KNL1: variants seen among roughly 807,000 people sequenced by gnomAD.
KNL1 encodes outer kinetochore KNL1 complex subunit KNL1.
KNL1 carries 66 observed loss-of-function variants against 201.3 expected under a neutral mutation model. That is an observed-to-expected ratio of 0.33 (90% CI 0.27 to 0.40). KNL1 has a LOEUF of 0.40. Ranked by LOEUF, KNL1 falls within the 10% of genes least tolerant of loss-of-function variation. The pLI is 1.00. For missense variants in KNL1, 2,815 were observed against 2,690.5 expected (o/e 1.05, Z -1.02); for synonymous variants, 895 against 899.2 (o/e 1.00, Z 0.08).
chr15:40,603,057 C>A, intron 2 of KNL1, 91 bp downstream of exon 2: 1 of 801,060 alleles, frequency 1.2e-6, no homozygotes, highest in South Asian at 1.7e-5. Flanking sequence ...CTTCTGAGAT[C>A]TTTTTCCATT....
chr15:40,655,471 A>G (rs967363596), intron 22 of KNL1, among the ~76,000 whole-genome samples: 3 of 150,324 alleles, frequency 2.0e-5, no homozygotes, highest in East Asian at 2.0e-4. Flanking sequence ...GGTGCCTGTA[A>G]TCCCAGCTAC....
Position 40,646,969 on chromosome 15 carries a change from A to G in KNL1, c.6007-18A>G, listed in dbSNP as rs369404109. On this transcript the variant is annotated intron_variant, in intron 16 of 25. Transcript: ENST00000399668. ...CTTTAGAGGTTTAACTTGACAGTCT[A>G]TAATCTTTTGTATTTAGAATGAGAG... The G allele has an allele frequency of 3.2e-5, 35 of 1,080,512 alleles. No individual in the cohort carries two copies. Among genetic ancestry groups the G allele is most frequent in the Admixed American group, 1.2e-4 (7 of 57,846 alleles). 66.9% of individuals were successfully genotyped at this position (1,080,512 alleles called of 1,614,324 possible).
At chr15:40,596,646 G>C (rs1891628497) in intron 1 of KNL1, among the ~76,000 whole-genome samples, 1 of 151,926 alleles carries the variant, frequency 6.6e-6, no homozygotes, top group Non-Finnish European at 1.5e-5. Flanking sequence ...CACAACTTCT[G>C]AAACTTTGGA....
At chr15:40,651,804 GAT>G (rs1426397033) in intron 20 of KNL1, among the ~76,000 whole-genome samples, 199 bp from the exon 21 acceptor site, 1 of 152,090 alleles carries the variant, frequency 6.6e-6, no homozygotes, top group African/African-American at 2.4e-5. Flanking sequence ...GTGTTTCTCT[GAT>G]ATACAACTCA....
At position 40,623,036 on chromosome 15, in the gene KNL1, A is replaced by G. The variant is rs1892599439; in HGVS notation, c.2772A>G (p.Leu924=). The G allele has an allele frequency of 2.5e-6, 4 of 1,614,028 alleles. No homozygotes were observed. The South Asian group carries it at 4.4e-5, about 18-fold the overall frequency. ...MEITRSHTTA[L]ECKTVSPDEI... is the part of the protein sequence containing the mutation. ...TCACTAGAAGTCACACAACTGCCTT[A>G]GAATGTAAAACTGTCTCACCAGATG... Residue 924 remains leucine (L), a synonymous_variant, in exon 10 of 26, where the codon TTA becomes TTG. Transcript: ENST00000399668.
chr15:40,658,691 G>A (rs988766571), intron 24 of KNL1, among the ~76,000 whole-genome samples: 6 of 151,388 alleles, frequency 4.0e-5, no homozygotes, highest in Non-Finnish European at 7.4e-5. Flanking sequence ...AACACTTTGG[G>A]AAGTGAGGCA....
chr15:40,662,191 C>T lies in KNL1; in HGVS notation c.*3C>T, dbSNP rs1200270961. On this transcript the variant is annotated 3_prime_UTR_variant, in exon 26 of 26. Coordinates refer to ENST00000399668, the MANE Select transcript of KNL1 (RefSeq NM_144508.5). ...AGGACTGCCATTTCTACCACTAGAC[C>T]CTTGGACCACCATTGGAACAACCAA... 3 of 1,475,266 alleles carry T rather than the reference C, an allele frequency of 2.0e-6. No individual in the cohort carries two copies. The highest frequency in any genetic ancestry group is 2.8e-5 in the African/African-American group (2 of 71,752). The allele number at this position is 1,475,266 out of a possible 1,614,324, so 91.4% of individuals were successfully genotyped here.
chr15:40,607,297 T>G (rs77210338), intron 4 of KNL1, among the ~76,000 whole-genome samples: 1 of 152,252 alleles, frequency 6.6e-6, no homozygotes, highest in Non-Finnish European at 1.5e-5. Context: ...ATCACACTTA[T>G]GAACTACGAA....
intron 1 of KNL1, among the ~76,000 whole-genome samples, chr15:40,595,732 C>T (rs1891601833): frequency 6.6e-6 from 1 of 152,104 alleles, no homozygotes; most frequent in Non-Finnish European, 1.5e-5. Context: ...CTATGGAGCA[C>T]TTGAAATGTC....
intron 13 of KNL1, among the ~76,000 whole-genome samples, chr15:40,639,585 CAA>C (rs139167651): frequency 5.1e-4 from 66 of 128,172 alleles, no homozygotes; most frequent in Non-Finnish European, 5.2e-4. Context: ...AACTTCATCT[CAA>C]AAAAAAAAAA....
At chr15:40,620,173 T>A (rs1162497172) in intron 9 of KNL1, among the ~76,000 whole-genome samples, 1 of 152,116 alleles carries the variant, frequency 6.6e-6, no homozygotes, top group African/African-American at 2.4e-5. Context: ...CCTTCCAAAG[T>A]GCTTGGATTA....
intron 13 of KNL1, among the ~76,000 whole-genome samples, chr15:40,630,252 T>C (rs1892874888): frequency 6.6e-6 from 1 of 152,234 alleles, no homozygotes; most frequent in South Asian, 2.1e-4. Context: ...TACATAGGAA[T>C]GTTTTTTGTC....
At chr15:40,620,546 C>A in intron 9 of KNL1, 94 bp from the exon 10 acceptor site, 1 of 688,552 alleles carries the variant, frequency 1.5e-6, no homozygotes. Flanking sequence ...GTTATGAAAC[C>A]ATCACTGAGG....
intron 20 of KNL1, 31 bp from the exon 21 acceptor site, chr15:40,651,974 C>T: frequency 6.5e-7 from 1 of 1,529,478 alleles, no homozygotes; most frequent in African/African-American, 1.4e-5. Flanking sequence ...TTTAAAAACG[C>T]TTTTTAAAAA....
rs759938130 is a variant in KNL1 at position 40,622,478 on chromosome 15, A to G, written c.2214A>G (p.Lys738=). 4 of 1,614,022 alleles carry G rather than the reference A, an allele frequency of 2.5e-6. No individual in the cohort carries two copies. The highest frequency in any genetic ancestry group is 2.2e-5 in the South Asian group (2 of 91,070). ...QNSKLAEPLR[K]SLSNPTPDYC... ...CTAAACTGGCTGAGCCACTGAGGAA[A>G]AGTTTAAGCAATCCCACACCTGACT... The change falls in exon 10 of 26, where the codon AAA becomes AAG. Residue 738 remains lysine, a synonymous_variant. Transcript: ENST00000399668.
chr15:40,617,587 G>GAACC, intron 8 of KNL1, among the ~76,000 whole-genome samples: 1 of 152,152 alleles, frequency 6.6e-6, no homozygotes, highest in East Asian at 1.9e-4. Flanking sequence ...GGCTTAAATG[G>GAACC]AACCCTCTCT....
chr15:40,596,543 T>C (rs527857244), intron 1 of KNL1, among the ~76,000 whole-genome samples: 3 of 151,834 alleles, frequency 2.0e-5, no homozygotes, highest in Non-Finnish European at 4.4e-5. Context: ...CCCAAAGTCC[T>C]GGGATTACAG....
chr15:40,644,390 C>T lies in KNL1; in HGVS notation c.5799-607C>T, dbSNP rs540381084. On this transcript the variant is annotated intron_variant, in intron 14 of 25. Transcript: ENST00000399668. ...GGCGGTTTTTCTCCTATCTCAGAAT[C>T]GAACAAATGTACAATCGAGTTTTAT... Among the ~76,000 whole-genome samples, 10 of 152,298 alleles carry T rather than the reference C, an allele frequency of 6.6e-5. No individual in the cohort carries two copies. The East Asian group carries it at 9.6e-4, about 15-fold the overall frequency.
rs71956781 is a variant in KNL1, at chr15:40,619,355, A to AATATAT, written c.375+361_375+366dup. On this transcript the variant is annotated intron_variant, in intron 9 of 25. Coordinates refer to ENST00000399668, the MANE Select transcript of KNL1 (RefSeq NM_144508.5). ...AGAAAACTGTTGTAGCACACAGTGT[A>AATATAT]ATATATATATATATATATATATTTT... Among the ~76,000 whole-genome samples, 1,324 of 146,144 alleles carry AATATAT rather than the reference A, an allele frequency of 9.1e-3. 10 individuals are homozygous for AATATAT. The highest frequency in any genetic ancestry group is 0.026 in the East Asian group (129 of 5,000).
Sources: gnomAD v4.1 joint callset for allele counts (sites outside exome capture counted in the v4.1 genomes callset) on GRCh38, gnomAD v4.1.1 for gene constraint, MANE v1.5 for transcripts, NCBI Gene and HGNC (gene_info 2026-07-23, HGNC 2026-07-21) for gene names.